The following INSL6 variants were observed in gnomAD, a reference collection of about 807,000 sequenced individuals.
INSL6 encodes insulin-like peptide INSL6.
INSL6 carries 16 observed loss-of-function variants against 9.4 expected under a neutral mutation model. The ratio of observed to expected loss-of-function variants is 1.70; its 90% CI spans 1.15 to 2.59. INSL6 has a LOEUF of 2.59. INSL6 is among the 30% of genes most tolerant of loss of function. The pLI is 0.00. For missense variants in INSL6, 391 were observed against 257.3 expected, an observed-to-expected ratio of 1.52 and a Z score of -3.56; for synonymous variants, 154 against 96.9, an observed-to-expected ratio of 1.59 and a Z score of -3.46.
chr9:5,151,427 A>T (rs1824710801), intron 2 of INSL6, among the ~76,000 whole-genome samples: 1 of 152,174 alleles, frequency 6.6e-6, no homozygotes, highest in Non-Finnish European at 1.5e-5. Flanking sequence ...TGATTAAAAC[A>T]AAGTAATAAA....
chr9:5,023,592 T>C, the INSL6 span, among the ~76,000 whole-genome samples: 12 of 152,326 alleles, frequency 7.9e-5, no homozygotes, highest in South Asian at 2.1e-4. Context: ...ATGTGGACCA[T>C]TGGGCATCTC....
the INSL6 span, among the ~76,000 whole-genome samples, chr9:5,079,743 C>T: frequency 6.6e-6 from 1 of 152,014 alleles, no homozygotes; most frequent in Middle Eastern, 3.4e-3. Flanking sequence ...TCACTTAAGC[C>T]CAAGAGGTCA....
At chr9:5,064,972 C>T in the INSL6 span, 2 of 1,609,694 alleles carry the variant, frequency 1.2e-6, no homozygotes, top group East Asian at 2.2e-5. Context: ...CACATCATTA[C>T]CTCTGTAAAG....
chr9:5,142,772 G>C (rs1204587065), intron 2 of INSL6, among the ~76,000 whole-genome samples: 1 of 152,152 alleles, frequency 6.6e-6, no homozygotes, highest in African/African-American at 2.4e-5. Context: ...TCCTTGTTTT[G>C]TGCCAGTTTT....
chr9:5,092,387 G>A, the INSL6 span, among the ~76,000 whole-genome samples: 6 of 152,084 alleles, frequency 3.9e-5, no homozygotes, highest in African/African-American at 1.4e-4. Context: ...TAAGTGTACT[G>A]GAAAGTGCTC....
intron 2 of INSL6, among the ~76,000 whole-genome samples, chr9:5,143,844 GAGA>G (rs1405995534): frequency 6.6e-6 from 1 of 151,212 alleles, no homozygotes. Context: ...ATTTGTAGTA[GAGA>G]CAGGGTTTCA....
At chr9:5,047,054 G>C in the INSL6 span, among the ~76,000 whole-genome samples, 1 of 152,010 alleles carries the variant, frequency 6.6e-6, no homozygotes, top group Admixed American at 6.6e-5. Context: ...AGCATGGCAA[G>C]GTAATTCCAC....
At chr9:5,014,463 T>G in the INSL6 span, among the ~76,000 whole-genome samples, 1 of 152,218 alleles carries the variant, frequency 6.6e-6, no homozygotes, top group Non-Finnish European at 1.5e-5. Context: ...GGTTCTTACC[T>G]TCAAGAAACT....
chr9:4,999,965 G>C, the INSL6 span, among the ~76,000 whole-genome samples: 1 of 151,878 alleles, frequency 6.6e-6, no homozygotes, highest in Non-Finnish European at 1.5e-5. Flanking sequence ...CATTCTTCTT[G>C]TTTACCAGTC....
chr9:5,130,944 T>C (rs373109010), intron 3 of INSL6, among the ~76,000 whole-genome samples: 1 of 151,424 alleles, frequency 6.6e-6, no homozygotes, highest in Non-Finnish European at 1.5e-5. Context: ...TTAGCCAGGA[T>C]GGTCTCGATC....
downstream of INSL6, among the ~76,000 whole-genome samples, chr9:5,160,798 C>G (rs745500005): frequency 6.6e-6 from 1 of 151,930 alleles, no homozygotes; most frequent in Non-Finnish European, 1.5e-5. Flanking sequence ...TCATTAGAGG[C>G]TACAATGAGC....
chr9:5,170,183 T>A (rs1304303683), intron 1 of INSL6, among the ~76,000 whole-genome samples: 1 of 152,066 alleles, frequency 6.6e-6, no homozygotes, highest in Admixed American at 6.5e-5. Context: ...AAACTAGAAC[T>A]CAAGATTAAG....
chr9:5,086,723 A>ATAAC, the INSL6 span, among the ~76,000 whole-genome samples: 1 of 152,174 alleles, frequency 6.6e-6, no homozygotes, highest in African/African-American at 2.4e-5. Context: ...CTGTCTGACT[A>ATAAC]TAACTTTATA....
the INSL6 span, chr9:5,073,903 T>G: frequency 3.0e-6 from 2 of 659,178 alleles, no homozygotes; most frequent in Non-Finnish European, 5.3e-6. Context: ...TTAACAGGAG[T>G]TAAGTATTTT....
the INSL6 span, among the ~76,000 whole-genome samples, chr9:5,053,236 C>T: frequency 6.6e-6 from 1 of 152,130 alleles, no homozygotes; most frequent in East Asian, 1.9e-4. Context: ...TGATGTTTGG[C>T]ATCTTTTCAT....
At chr9:5,043,560 A>G in the INSL6 span, among the ~76,000 whole-genome samples, 221 of 152,330 alleles carry the variant, frequency 1.5e-3, no homozygotes, top group South Asian at 2.7e-3. Context: ...AAGGGTAAAC[A>G]AAGAGTTACC....
chr9:5,150,135 A>C (rs1301908273), intron 2 of INSL6, among the ~76,000 whole-genome samples: 1 of 152,264 alleles, frequency 6.6e-6, no homozygotes, highest in Non-Finnish European at 1.5e-5. Context: ...AACTGAAACT[A>C]TAAACATTCT....
At chr9:5,114,324 G>A in the INSL6 span, 14 of 539,402 alleles carry the variant, frequency 2.6e-5, no homozygotes, top group South Asian at 8.1e-5. Flanking sequence ...TGGGAAGTCT[G>A]TGGCTCAGGT....
At chr9:5,037,045 G>A in the INSL6 span, among the ~76,000 whole-genome samples, 29 of 152,134 alleles carry the variant, frequency 1.9e-4, no homozygotes, top group East Asian at 9.6e-4. Flanking sequence ...AAAAGTGGGC[G>A]AAGGATACGA....
Sources: allele counts gnomAD v4.1 joint callset (sites outside exome capture counted in the v4.1 genomes callset), GRCh38; gene constraint gnomAD v4.1.1; transcripts MANE v1.5; gene names NCBI Gene and HGNC (gene_info 2026-07-23, HGNC 2026-07-21).